The following ITPR2 variants were observed in gnomAD, a reference collection of about 807,000 sequenced individuals.
The protein encoded by ITPR2 is inositol 1,4,5-trisphosphate receptor type 2, also known as inositol 1,4,5-trisphosphate-gated calcium channel ITPR2.
In ITPR2, 207 loss-of-function variants were observed where a neutral mutation model predicts 317.1. The observed-to-expected ratio is 0.65, with a 90% confidence interval of 0.58 to 0.73. The LOEUF is 0.73. Ranked by LOEUF, ITPR2 falls within the 30% of genes least tolerant of loss-of-function variation. ITPR2 has a pLI of 0.00. For missense variants in ITPR2, 2,613 were observed against 3,284.0 expected (o/e 0.80, Z 4.99); for synonymous variants, 1,156 against 1,149.1 (o/e 1.01, Z -0.12).
chr12:26,388,895 G>A (rs1281216237), intron 54 of ITPR2, among the ~76,000 whole-genome samples: 1 of 152,070 alleles, frequency 6.6e-6, no homozygotes, highest in Non-Finnish European at 1.5e-5. Context: ...TTCACCCACA[G>A]TCCTCCCCTT....
chr12:26,594,158 T>C (rs1326498099), intron 32 of ITPR2, among the ~76,000 whole-genome samples: 1 of 152,204 alleles, frequency 6.6e-6, no homozygotes, highest in African/African-American at 2.4e-5. Flanking sequence ...ACGATTTCTC[T>C]ACAGGTGCAT....
At chr12:26,747,550 TTATC>T (rs1183955090) in intron 2 of ITPR2, among the ~76,000 whole-genome samples, 5 of 152,216 alleles carry the variant, frequency 3.3e-5, no homozygotes, top group Non-Finnish European at 5.9e-5. Context: ...TTATAAAACT[TTATC>T]TAATCAAATC....
intron 14 of ITPR2, among the ~76,000 whole-genome samples, chr12:26,665,286 G>A (rs892084010): frequency 4.6e-5 from 7 of 152,276 alleles, no homozygotes; most frequent in Admixed American, 3.9e-4. Flanking sequence ...AAGTTCACCT[G>A]GAAATTCTAC....
At chr12:26,685,226 T>C (rs1489121757) in intron 11 of ITPR2, among the ~76,000 whole-genome samples, 2 of 152,172 alleles carry the variant, frequency 1.3e-5, no homozygotes, top group Non-Finnish European at 2.9e-5. Context: ...GCAAGACTCC[T>C]CGATGCATCT....
chr12:26,725,355 T>A (rs943999391), intron 3 of ITPR2, among the ~76,000 whole-genome samples: 2 of 152,164 alleles, frequency 1.3e-5, no homozygotes, highest in African/African-American at 4.8e-5. Flanking sequence ...AAGTAAAATA[T>A]AACTGGATTT....
chr12:26,439,074 CAA>C, intron 47 of ITPR2, 51 bp downstream of exon 47: 1 of 1,149,220 alleles, frequency 8.7e-7, no homozygotes, highest in South Asian at 1.5e-5. Context: ...CCCAAAGTAC[CAA>C]ATTATCTACC....
intron 55 of ITPR2, among the ~76,000 whole-genome samples, chr12:26,373,328 C>T (rs1237790990): frequency 6.6e-6 from 1 of 152,214 alleles, no homozygotes; most frequent in East Asian, 1.9e-4. Flanking sequence ...GCAATCAAGT[C>T]TCTTCTCAAC....
At chr12:26,569,650 G>A (rs1194335843) in intron 34 of ITPR2, among the ~76,000 whole-genome samples, 1 of 151,376 alleles carries the variant, frequency 6.6e-6, no homozygotes, top group Non-Finnish European at 1.5e-5. Context: ...AAATTATTAA[G>A]AAAAAAACCT....
rs762628150 is a variant in ITPR2 at position 26,561,824 on chromosome 12, G to A, written c.4759C>T (p.Arg1587Cys). The change falls in exon 35 of 57, where the codon CGC becomes TGC. Residue 1587 changes from arginine to cysteine, a missense_variant. Arg to Cys is a radical substitution (Grantham distance 180). This residue lies in a region of ITPR2 where 926 missense variants were observed against 1,072.8 expected (regional missense o/e 0.86). Coordinates refer to ENST00000381340, the MANE Select transcript of ITPR2 (RefSeq NM_002223.4). ...GWRLSARSGP[R>C]FKEALGGPAW... ...GGCCCTCCAAGAGCTTCCTTAAAGC[G>A]TGGCCCAGAGCGAGCTGATAGTCTC... 18 of 1,594,060 alleles carry A rather than the reference G, an allele frequency of 1.1e-5. No individual in the cohort carries two copies. Among genetic ancestry groups the A allele is most frequent in the South Asian group, 7.0e-5 (6 of 85,872 alleles).
At chr12:26,769,527 G>A (rs1434709519) in intron 2 of ITPR2, among the ~76,000 whole-genome samples, 1 of 151,982 alleles carries the variant, frequency 6.6e-6, no homozygotes, top group African/African-American at 2.4e-5. Context: ...TGATTATTAA[G>A]CTTATGGAGC....
At chr12:26,637,347 C>G (rs1053597069) in intron 21 of ITPR2, among the ~76,000 whole-genome samples, 1 of 152,084 alleles carries the variant, frequency 6.6e-6, no homozygotes, top group Non-Finnish European at 1.5e-5. Context: ...AGTAGTATAG[C>G]ATGGACAGCA....
intron 50 of ITPR2, among the ~76,000 whole-genome samples, chr12:26,418,330 C>G (rs1400329481): frequency 3.3e-5 from 5 of 152,120 alleles, no homozygotes; most frequent in African/African-American, 1.2e-4. Context: ...ATAAATTGTT[C>G]CTATGGCATC....
chr12:26,342,118 G>A (rs186128998), intron 55 of ITPR2, among the ~76,000 whole-genome samples: 118 of 152,238 alleles, frequency 7.8e-4, no homozygotes, highest in Admixed American at 2.2e-3. Context: ...ATGTGCAGAT[G>A]AGGCAGAAAG....
intron 39 of ITPR2, among the ~76,000 whole-genome samples, chr12:26,491,085 T>C (rs1942789685): frequency 6.6e-6 from 1 of 151,874 alleles, no homozygotes; most frequent in Non-Finnish European, 1.5e-5. Context: ...CAAGGGAAAG[T>C]TGGAAAATTT....
chr12:26,400,760 ACC>A (rs1455901566), intron 52 of ITPR2: 1 of 152,336 alleles, frequency 6.6e-6, no homozygotes, highest in Non-Finnish European at 1.5e-5. Flanking sequence ...CAGCCACGTT[ACC>A]CAGGAGGCAA....
intron 34 of ITPR2, among the ~76,000 whole-genome samples, chr12:26,564,987 T>A (rs983231466): frequency 2.0e-5 from 3 of 152,182 alleles, no homozygotes; most frequent in Non-Finnish European, 4.4e-5. Flanking sequence ...CTGACTAGCA[T>A]CAGACTTATC....
intron 1 of ITPR2, among the ~76,000 whole-genome samples, chr12:26,809,678 CG>C (rs1303738029): frequency 1.3e-5 from 2 of 152,030 alleles, no homozygotes; most frequent in African/African-American, 4.8e-5. Context: ...AGGGGCTTGG[CG>C]GGGGTTGGGG....
At chr12:26,521,091 C>G (rs1393354065) in intron 37 of ITPR2, among the ~76,000 whole-genome samples, 6 of 152,124 alleles carry the variant, frequency 3.9e-5, no homozygotes, top group Admixed American at 2.0e-4. Flanking sequence ...GGTATAAATA[C>G]TCAAATAGAA....
intron 55 of ITPR2, among the ~76,000 whole-genome samples, chr12:26,367,991 C>T (rs1220604979): frequency 6.6e-6 from 1 of 152,196 alleles, no homozygotes; most frequent in African/African-American, 2.4e-5. Context: ...AGCTGGCAAC[C>T]TAATCACAGC....
Sources: allele counts gnomAD v4.1 joint callset (sites outside exome capture counted in the v4.1 genomes callset), GRCh38; gene constraint gnomAD v4.1.1; regional missense constraint gnomAD v4.1.1; transcripts MANE v1.5; gene names NCBI Gene and HGNC (gene_info 2026-07-23, HGNC 2026-07-21).